TCF21: variants seen among roughly 807,000 people sequenced by gnomAD.
The protein encoded by TCF21 is capsulin.
A neutral mutation model predicts 13.5 loss-of-function variants in TCF21; 3 were observed. The ratio of observed to expected loss-of-function variants is 0.22; its 90% CI spans 0.10 to 0.57. The LOEUF is 0.57. Ranked by LOEUF, TCF21 falls within the 20% of genes least tolerant of loss-of-function variation. The pLI, the probability that TCF21 is intolerant of heterozygous loss-of-function variation, is 0.92. For synonymous variants in TCF21, 92 were observed against 101.7 expected (o/e 0.90, Z 0.57); for missense variants, 181 against 238.4 (o/e 0.76, Z 1.59).
In TCF21 at chr6:133,890,128, A is replaced by C. The variant is rs1300294019; in HGVS notation, c.450+281A>C. ...CAAGTGTGTTGAGCTGGCACAGAGG[A>C]GGGATCCCCCGCTCCCGCTCCATCG... On this transcript the variant is annotated intron_variant, in intron 1 of 1. Transcript: ENST00000367882. Among the ~76,000 whole-genome samples, 5 of 152,152 alleles carry C rather than the reference A, an allele frequency of 3.3e-5. No homozygotes were observed. In the East Asian group the frequency reaches 9.7e-4, roughly 29 times the overall value.
downstream of TCF21, chr6:133,892,312 T>C (rs1775232627): frequency 6.6e-6 from 1 of 152,312 alleles, no homozygotes; most frequent in Admixed American, 6.5e-5. Flanking sequence ...AGTGGGAAAC[T>C]ATGGGGAAGC....
intron 1 of TCF21, among the ~76,000 whole-genome samples, chr6:133,890,499 A>G (rs1281619970): frequency 5.3e-5 from 8 of 152,212 alleles, no homozygotes; most frequent in African/African-American, 1.9e-4. Context: ...AATAAATACT[A>G]AAATAGGTCA....
downstream of TCF21, chr6:133,895,010 TCG>T (rs921485989): frequency 1.6e-4 from 22 of 140,930 alleles, no homozygotes; most frequent in Non-Finnish European, 2.6e-4. Flanking sequence ...GTCCTCTCTC[TCG>T]CTCTCTCTCT....
In TCF21 at chr6:133,889,335, C is replaced by T. The variant is rs1408763835; in HGVS notation, c.-63C>T. 3.1e-6 allele frequency: 5 copies of T among 1,597,388 alleles called. No homozygotes were observed. The highest frequency in any genetic ancestry group is 4.3e-6 in the Non-Finnish European group (5 of 1,171,618). ...GGTCTCTCTGTCTCTCTCTCACCCT[C>T]TTCCTCGCTTTCTCTGTCTCTCTGT... On this transcript the variant is annotated 5_prime_UTR_variant, in exon 1 of 2. Coordinates refer to ENST00000367882, the MANE Select transcript of TCF21 (RefSeq NM_003206.4). This position sits in a 1 kb window ranked among gnomAD's most constrained non-coding sequence, Gnocchi z 5.1.
At chr6:133,892,709 T>C (rs1775242584), downstream of TCF21, 2 of 152,028 alleles carry the variant, frequency 1.3e-5, no homozygotes, top group Admixed American at 1.3e-4. Flanking sequence ...ACCCTTAGGG[T>C]GTGTTTCAGG....
At chr6:133,893,039 G>T (rs1775247210), downstream of TCF21, 1 of 152,242 alleles carries the variant, frequency 6.6e-6, no homozygotes, top group Non-Finnish European at 1.5e-5. Flanking sequence ...GGTTATGACC[G>T]CAGTGTTTAC....
At chr6:133,891,328 G>T (rs991917528) in intron 1 of TCF21, among the ~76,000 whole-genome samples, 1 of 152,246 alleles carries the variant, frequency 6.6e-6, no homozygotes, top group Admixed American at 6.5e-5. Flanking sequence ...GTAGGCACAA[G>T]GTCGTTCTGG....
At chr6:133,895,030 T>G (rs1442607340), downstream of TCF21, 2 of 152,132 alleles carry the variant, frequency 1.3e-5, no homozygotes, top group Admixed American at 6.5e-5. Context: ...TCTCTCTCTC[T>G]CTCTCTCTCA....
intron 1 of TCF21, among the ~76,000 whole-genome samples, chr6:133,891,158 T>A (rs181381976): frequency 9.2e-5 from 14 of 152,306 alleles, no homozygotes; most frequent in African/African-American, 3.1e-4. Context: ...GTGATTAATC[T>A]AGAAGCTGTA....
chr6:133,890,458 A>G (rs2114562115), intron 1 of TCF21, among the ~76,000 whole-genome samples: 2 of 152,354 alleles, frequency 1.3e-5, no homozygotes, highest in South Asian at 4.1e-4. Context: ...AATGATCAGC[A>G]AAATCAGTAA....
At position 133,891,930 on chromosome 6, in the gene TCF21, C is replaced by A. The variant is rs969060355; in HGVS notation, c.*128C>A. 4 of 910,788 alleles carry A rather than the reference C, an allele frequency of 4.4e-6. No individual in the cohort carries two copies. The highest frequency in any genetic ancestry group is 1.7e-5 in the African/African-American group (1 of 59,870). 56.4% of individuals were successfully genotyped at this position (910,788 alleles called of 1,614,324 possible). On this transcript the variant is annotated 3_prime_UTR_variant, in exon 2 of 2. Transcript: ENST00000367882. ...ATGCTCCTCTCTCTGTCCCACCCCG[C>A]GAGAACACTTTACAACGACGAGGAG...
rs1775228191 is a variant in TCF21, at chr6:133,892,069, T to C, written c.*267T>C. The stretch of plus-strand genomic sequence containing the variant: ...AAGCCTTGCTGGTCCAAGTGCAATA[T>C]GTAATTATAAATATATAAATAGATA... On this transcript the variant is annotated 3_prime_UTR_variant, in exon 2 of 2. Coordinates refer to ENST00000367882, the MANE Select transcript of TCF21 (RefSeq NM_003206.4). The C allele has an allele frequency of 2.6e-6, 1 of 384,684 alleles. No individual in the cohort carries two copies. Among genetic ancestry groups the C allele is most frequent in the Middle Eastern group, 7.4e-4 (1 of 1,360 alleles). The allele number at this position is 384,684 out of a possible 1,614,324, so 23.8% of individuals were successfully genotyped here.
In TCF21 at chr6:133,891,607, GCACCGCCTGCCCC is replaced by G; in HGVS notation, c.451-98_451-86del. Reference sequence around the variant, plus strand: ...TGCAGAGATAACCGGTCTCTCCAGAGCACCGCCTGCCCCCACCGCCCCCCTTCCTTTCATCTCA... The same window carrying G: ...TGCAGAGATAACCGGTCTCTCCAGAGCACCGCCCCCCTTCCTTTCATCTCA... On this transcript the variant is annotated intron_variant, in intron 1 of 1. Transcript: ENST00000367882. 4 of 1,201,648 alleles carry G rather than the reference GCACCGCCTGCCCC, an allele frequency of 3.3e-6. No homozygotes were observed. The Admixed American group carries it at 7.9e-5, about 24-fold the overall frequency. 74.4% of individuals were successfully genotyped at this position (1,201,648 alleles called of 1,614,324 possible).
intron 1 of TCF21, among the ~76,000 whole-genome samples, chr6:133,890,128 A>G (rs1300294019): frequency 6.6e-6 from 1 of 152,152 alleles, no homozygotes; most frequent in African/African-American, 2.4e-5. Context: ...GGCACAGAGG[A>G]GGGATCCCCC....
chr6:133,890,649 T>C (rs1775199808), intron 1 of TCF21, among the ~76,000 whole-genome samples: 1 of 152,234 alleles, frequency 6.6e-6, no homozygotes, highest in African/African-American at 2.4e-5. Context: ...GAAATATATC[T>C]TAATTTTTTT....
rs567621197 is a variant in TCF21, at chr6:133,891,919, G to T, written c.*117G>T. The T allele has an allele frequency of 4.8e-5, 49 of 1,029,658 alleles. 1 individual carries two copies. In the African/African-American group the frequency reaches 7.7e-4, roughly 16 times the overall value. 63.8% of individuals were successfully genotyped at this position (1,029,658 alleles called of 1,614,324 possible). On this transcript the variant is annotated 3_prime_UTR_variant, in exon 2 of 2. Coordinates refer to ENST00000367882, the MANE Select transcript of TCF21 (RefSeq NM_003206.4). ...TCCCCCTCGCAATGCTCCTCTCTCT[G>T]TCCCACCCCGCGAGAACACTTTACA...
Position 133,889,493 on chromosome 6 carries a change from G to A in TCF21, c.96G>A (p.Val32=). ...AAATGGATTCGAACAAGGAATTTGT[G>A]ACTTCCAACGAGAGCACCGAGGAGA... is the stretch of plus-strand genomic sequence containing the variant. ...GLKMDSNKEF[V]TSNESTEESS... is the part of the protein sequence containing the mutation. The change falls in exon 1 of 2, where the codon GTG becomes GTA. Residue 32 remains valine, a synonymous_variant. Coordinates refer to ENST00000367882, the MANE Select transcript of TCF21 (RefSeq NM_003206.4). This position sits in a 1 kb window ranked among gnomAD's most constrained non-coding sequence, Gnocchi z 5.1. 6.2e-7 allele frequency: 1 copy of A among 1,614,150 alleles called. No homozygotes were observed. Among genetic ancestry groups the A allele is most frequent in the South Asian group, 1.1e-5 (1 of 91,086 alleles).
chr6:133,892,410 G>A (rs1775233826), downstream of TCF21: 1 of 152,160 alleles, frequency 6.6e-6, no homozygotes. Flanking sequence ...TGAAGATGCA[G>A]ATTATGTTTT....
chr6:133,892,433 T>C (rs559287025), downstream of TCF21: 5 of 152,322 alleles, frequency 3.3e-5, no homozygotes, highest in African/African-American at 1.2e-4. Flanking sequence ...ACTGAAACCT[T>C]AAAAAAGAAA....
Sources: gnomAD v4.1 joint callset for allele counts (sites outside exome capture counted in the v4.1 genomes callset) on GRCh38, gnomAD v4.1.1 for gene constraint, Gnocchi (gnomAD v3.1) non-coding constraint, MANE v1.5 for transcripts, NCBI Gene and HGNC (gene_info 2026-07-23, HGNC 2026-07-21) for gene names.